NTM: variants seen among roughly 807,000 people sequenced by gnomAD.
NTM encodes the protein neurotrimin.
NTM carries 13 observed loss-of-function variants against 42.1 expected under a neutral mutation model. That is an observed-to-expected ratio of 0.31 (90% CI 0.20 to 0.49). The LOEUF (loss-of-function observed/expected upper bound fraction) is 0.49. Ranked by LOEUF, NTM falls within the 20% of genes least tolerant of loss-of-function variation. The pLI is 0.99. For missense variants in NTM, 373 were observed against 452.8 expected (o/e 0.82, Z 1.60); for synonymous variants, 187 against 179.2 (o/e 1.04, Z -0.35).
chr11:132,142,933 A>T (rs571968478), intron 2 of NTM, among the ~76,000 whole-genome samples: 1 of 152,276 alleles, frequency 6.6e-6, no homozygotes, highest in African/African-American at 2.4e-5. Flanking sequence ...TCTCGTGTTC[A>T]TCGGGAGGTT....
At chr11:132,023,762 G>C (rs1396912113) in intron 2 of NTM, among the ~76,000 whole-genome samples, 1 of 150,888 alleles carries the variant, frequency 6.6e-6, no homozygotes, top group African/African-American at 2.4e-5. Context: ...TTTTGTTGTT[G>C]GTGGTGGTTT....
intron 1 of NTM, among the ~76,000 whole-genome samples, chr11:131,878,631 AT>A (rs1565667192): frequency 4.9e-5 from 6 of 123,292 alleles, no homozygotes; most frequent in African/African-American, 1.6e-4. Flanking sequence ...ATATATATAT[AT>A]ATATATATAA....
chr11:131,377,691 T>C (rs976072956), intron 1 of NTM, among the ~76,000 whole-genome samples: 1 of 152,236 alleles, frequency 6.6e-6, no homozygotes, highest in African/African-American at 2.4e-5. Flanking sequence ...ATTGTGTAGT[T>C]GTTCTCCTAC....
chr11:131,940,735 G>A (rs891205899), intron 2 of NTM, among the ~76,000 whole-genome samples: 2 of 152,158 alleles, frequency 1.3e-5, no homozygotes, highest in Admixed American at 6.5e-5. Flanking sequence ...CCAGACATGG[G>A]GATCCACCTC....
chr11:131,414,291 A>C (rs1399911363), intron 1 of NTM, among the ~76,000 whole-genome samples: 2 of 152,050 alleles, frequency 1.3e-5, no homozygotes, highest in African/African-American at 2.4e-5. Flanking sequence ...GAGGCTGGAG[A>C]GCTGAGGTCT....
chr11:131,452,776 A>G (rs1177389582), intron 1 of NTM, among the ~76,000 whole-genome samples: 1 of 152,132 alleles, frequency 6.6e-6, no homozygotes, highest in African/African-American at 2.4e-5. Flanking sequence ...CAGTGCAGAC[A>G]ATACTTAGAA....
At chr11:131,651,347 T>C (rs2134339528) in intron 1 of NTM, among the ~76,000 whole-genome samples, 1 of 152,354 alleles carries the variant, frequency 6.6e-6, no homozygotes, top group South Asian at 2.1e-4. Context: ...CAACCAGTTA[T>C]TAAAAACATT....
chr11:132,233,501 CAATG>C (rs1201503060), intron 4 of NTM, among the ~76,000 whole-genome samples: 7 of 152,170 alleles, frequency 4.6e-5, no homozygotes, highest in Non-Finnish European at 7.4e-5. Context: ...TGTGGGCTCA[CAATG>C]AATTTCATAT....
At chr11:131,778,800 A>G (rs550149208) in intron 1 of NTM, among the ~76,000 whole-genome samples, 1 of 152,310 alleles carries the variant, frequency 6.6e-6, no homozygotes, top group African/African-American at 2.4e-5. Flanking sequence ...ATGGCATCCA[A>G]GATCTTCACC....
chr11:132,104,143 G>A (rs2061971211), intron 2 of NTM, among the ~76,000 whole-genome samples: 1 of 152,120 alleles, frequency 6.6e-6, no homozygotes, highest in South Asian at 2.1e-4. Flanking sequence ...TGTGTTTGTT[G>A]CACTAGAAAG....
chr11:131,702,683 T>C (rs1342409303), intron 1 of NTM, among the ~76,000 whole-genome samples: 1 of 152,250 alleles, frequency 6.6e-6, no homozygotes, highest in Non-Finnish European at 1.5e-5. Context: ...ACTATTGTTT[T>C]AAGGCAATTT....
At chr11:131,748,446 G>A (rs763043530) in intron 1 of NTM, among the ~76,000 whole-genome samples, 16 of 152,148 alleles carry the variant, frequency 1.1e-4, no homozygotes, top group African/African-American at 1.9e-4. Flanking sequence ...CATTCTAAAC[G>A]TTTTCTATTT....
intron 8 of NTM, among the ~76,000 whole-genome samples, chr11:132,330,875 T>C (rs2095790297): frequency 6.6e-6 from 1 of 152,184 alleles, no homozygotes. Flanking sequence ...GTGGCCCATG[T>C]CACTAGGCAG....
At chr11:131,759,223 G>A (rs942150293) in intron 1 of NTM, among the ~76,000 whole-genome samples, 4 of 152,128 alleles carry the variant, frequency 2.6e-5, no homozygotes, top group African/African-American at 9.7e-5. Flanking sequence ...CCATACTCTG[G>A]TACTGTTCAC....
chr11:132,264,960 A>T (rs1348837530), intron 4 of NTM, among the ~76,000 whole-genome samples: 1 of 152,142 alleles, frequency 6.6e-6, no homozygotes, highest in Non-Finnish European at 1.5e-5. Flanking sequence ...ACCTTATCTA[A>T]TCCTAATTGC....
intron 1 of NTM, among the ~76,000 whole-genome samples, chr11:131,481,276 A>G (rs908517076): frequency 3.3e-5 from 5 of 152,212 alleles, no homozygotes; most frequent in Admixed American, 6.5e-5. Context: ...CGCACTTGGA[A>G]AAGTCCTAGA....
At chr11:131,593,646 T>C (rs1289688145) in intron 1 of NTM, among the ~76,000 whole-genome samples, 2 of 152,352 alleles carry the variant, frequency 1.3e-5, no homozygotes, top group African/African-American at 4.8e-5. Context: ...CCCAAGTACC[T>C]AGTCAAAGGT....
At chr11:131,783,845 T>C (rs1171280579) in intron 1 of NTM, among the ~76,000 whole-genome samples, 2 of 152,106 alleles carry the variant, frequency 1.3e-5, no homozygotes, top group Non-Finnish European at 2.9e-5. Context: ...AATGACAAGA[T>C]AAGACACAAA....
At chr11:132,332,974 C>T (rs954401161) in intron 8 of NTM, among the ~76,000 whole-genome samples, 6 of 151,934 alleles carry the variant, frequency 3.9e-5, no homozygotes, top group African/African-American at 7.3e-5. Flanking sequence ...TGGGAGTGTG[C>T]GGGAATTGAA....
Sources: gnomAD v4.1 joint callset for allele counts (sites outside exome capture counted in the v4.1 genomes callset) on GRCh38, gnomAD v4.1.1 for gene constraint, MANE v1.5 for transcripts, NCBI Gene and HGNC (gene_info 2026-07-23, HGNC 2026-07-21) for gene names.